CFAP61: variants seen among roughly 807,000 people sequenced by gnomAD.
CFAP61 encodes cilia- and flagella-associated protein 61.
In CFAP61, 107 loss-of-function variants were observed where a neutral mutation model predicts 135.6. The observed-to-expected ratio is 0.79, with a 90% CI of 0.67 to 0.93. The LOEUF (loss-of-function observed/expected upper bound fraction) is 0.93, where lower values mean the gene tolerates loss of function less well. CFAP61 is among the 40% of genes least tolerant of loss of function. CFAP61 has a pLI of 0.00. For missense variants in CFAP61, 1,507 were observed against 1,556.2 expected, an observed-to-expected ratio of 0.97 and a Z score of 0.53; for synonymous variants, 575 against 578.5, an observed-to-expected ratio of 0.99 and a Z score of 0.09.
At chr20:20,151,433 T>A (rs992670711) in intron 9 of CFAP61, among the ~76,000 whole-genome samples, 2 of 152,084 alleles carry the variant, frequency 1.3e-5, no homozygotes, top group African/African-American at 4.8e-5. Context: ...TAACTGGTAT[T>A]CCTGAGGAAG....
chr20:20,148,553 G>C (rs2052110011), intron 9 of CFAP61, among the ~76,000 whole-genome samples: 1 of 151,946 alleles, frequency 6.6e-6, no homozygotes, highest in Admixed American at 6.6e-5. Context: ...TTGTAAAAGG[G>C]ATTGAGTTCT....
At chr20:20,202,229 T>G (rs1281895317) in intron 17 of CFAP61, among the ~76,000 whole-genome samples, 1 of 152,130 alleles carries the variant, frequency 6.6e-6, no homozygotes, top group African/African-American at 2.4e-5. Flanking sequence ...AAACCCAGGG[T>G]CCAGGAAGAC....
At chr20:20,124,458 G>A (rs1242572737) in intron 8 of CFAP61, among the ~76,000 whole-genome samples, 1 of 151,776 alleles carries the variant, frequency 6.6e-6, no homozygotes, top group Non-Finnish European at 1.5e-5. Flanking sequence ...AGCGATGCTG[G>A]ATTTCTTCAA....
chr20:20,353,453 C>A (rs564598656), intron 26 of CFAP61, among the ~76,000 whole-genome samples: 1 of 152,240 alleles, frequency 6.6e-6, no homozygotes, highest in Admixed American at 6.5e-5. Flanking sequence ...CCACCCGGAA[C>A]TGAAATAACT....
chr20:20,140,128 A>ATTTTTTTTTTTTTTTTTTTTTTTT, intron 8 of CFAP61, among the ~76,000 whole-genome samples: 1 of 97,310 alleles, frequency 1.0e-5, no homozygotes, highest in Non-Finnish European at 1.9e-5. Context: ...GGTGCTGGAA[A>ATTTTTTTTTTTTTTTTTTTTTTTT]TTTTTTTTTT....
chr20:20,272,601 ACC>A (rs2053449531), intron 21 of CFAP61, among the ~76,000 whole-genome samples: 1 of 151,444 alleles, frequency 6.6e-6, no homozygotes, highest in Non-Finnish European at 1.5e-5. Context: ...CAGCCCCAAC[ACC>A]TCCCTCAGGC....
chr20:20,348,771 CA>C (rs1488685078), intron 26 of CFAP61, among the ~76,000 whole-genome samples: 2 of 118,292 alleles, frequency 1.7e-5, no homozygotes, highest in African/African-American at 6.1e-5. Flanking sequence ...TTGACAAAAT[CA>C]AATACATTCT....
At chr20:20,268,070 C>T (rs1471899255) in intron 21 of CFAP61, among the ~76,000 whole-genome samples, 1 of 152,214 alleles carries the variant, frequency 6.6e-6, no homozygotes, top group African/African-American at 2.4e-5. Flanking sequence ...ACATTTCAGT[C>T]CTTGCTTTTT....
At chr20:20,347,552 G>A (rs370448250) in intron 26 of CFAP61, among the ~76,000 whole-genome samples, 31 of 152,186 alleles carry the variant, frequency 2.0e-4, no homozygotes, top group African/African-American at 7.0e-4. Context: ...TCGACCTTAT[G>A]GAAATAAAAA....
intron 26 of CFAP61, among the ~76,000 whole-genome samples, chr20:20,357,425 T>G (rs1250286905): frequency 4.0e-5 from 1 of 25,022 alleles, no homozygotes; most frequent in Non-Finnish European, 6.7e-5. Context: ...TGAGGGGAGG[T>G]GGTCACACTG....
chr20:20,312,659 T>C (rs1296281723), intron 25 of CFAP61, among the ~76,000 whole-genome samples: 1 of 152,020 alleles, frequency 6.6e-6, no homozygotes, highest in Non-Finnish European at 1.5e-5. Context: ...ATAATCAAAC[T>C]ACTCAAAACC....
chr20:20,093,143 G>A lies in CFAP61; in HGVS notation c.699+2167G>A, dbSNP rs74582398. On this transcript the variant is annotated intron_variant, in intron 7 of 26. Coordinates refer to ENST00000245957, the MANE Select transcript of CFAP61 (RefSeq NM_015585.4). ...ATAGTACCAGGAAATAAAAGAGAAC[G>A]AAGCACTGATACATGCTACAGCGTG... Among the ~76,000 whole-genome samples the A allele has an allele frequency of 5.9e-3, 896 of 152,302 alleles. 12 individuals carry two copies. Among genetic ancestry groups the A allele is most frequent in the African/African-American group, 0.021 (863 of 41,552 alleles).
At chr20:20,110,853 AG>A (rs1216085847) in intron 8 of CFAP61, among the ~76,000 whole-genome samples, 1 of 152,206 alleles carries the variant, frequency 6.6e-6, no homozygotes, top group East Asian at 1.9e-4. Flanking sequence ...TTCAGCTCAC[AG>A]GGCTTCTTAA....
In CFAP61 at chr20:20,337,342, ATGGGTGGGTGGG is replaced by A. The variant is rs199619993; in HGVS notation, c.3423-4485_3423-4474del. ...GATGGATGGATGGATGGATGGATAG[ATGGGTGGGTGGG>A]TGGATGGATGGATGGATGGATGGAT... is the stretch of plus-strand genomic sequence containing the variant. On this transcript the variant is annotated intron_variant, in intron 25 of 26. Transcript: ENST00000245957. 1.7e-3 allele frequency among the ~76,000 whole-genome samples: 22 copies of A among 12,844 alleles called. 1 individual carries two copies. The highest frequency in any genetic ancestry group is 4.3e-3 in the East Asian group (2 of 470). The allele number at this position is 12,844 out of a possible 152,430, so 8.4% of individuals were successfully genotyped here.
intron 2 of CFAP61, among the ~76,000 whole-genome samples, chr20:20,062,867 A>C (rs2044913714): frequency 6.6e-6 from 1 of 152,216 alleles, no homozygotes; most frequent in Admixed American, 6.5e-5. Context: ...TCTGTGGTAA[A>C]AATGTAAGAA....
intron 25 of CFAP61, among the ~76,000 whole-genome samples, chr20:20,318,798 G>T (rs1426343458): frequency 6.6e-6 from 1 of 152,210 alleles, no homozygotes; most frequent in Non-Finnish European, 1.5e-5. Context: ...CTGCTTGGGG[G>T]TCAGGAGGGA....
intron 21 of CFAP61, among the ~76,000 whole-genome samples, chr20:20,276,434 C>T (rs1424853055): frequency 6.6e-6 from 1 of 152,160 alleles, no homozygotes; most frequent in Non-Finnish European, 1.5e-5. Flanking sequence ...GACCTTAAAA[C>T]TGCTAAAATA....
chr20:20,145,473 G>A (rs7271577), intron 9 of CFAP61, among the ~76,000 whole-genome samples: 28,705 of 151,962 alleles, frequency 0.19, 2,979 homozygotes, highest in Non-Finnish European at 0.24. Context: ...GAAAAAGGGA[G>A]CAAAGACTAG....
At chr20:20,223,948 A>G (rs2048562512) in intron 17 of CFAP61, among the ~76,000 whole-genome samples, 1 of 152,240 alleles carries the variant, frequency 6.6e-6, no homozygotes, top group Non-Finnish European at 1.5e-5. Context: ...CAACTAAAAT[A>G]ATTTGCAATA....
Sources: allele counts gnomAD v4.1 joint callset (sites outside exome capture counted in the v4.1 genomes callset), GRCh38; gene constraint gnomAD v4.1.1; transcripts MANE v1.5; gene names NCBI Gene and HGNC (gene_info 2026-07-23, HGNC 2026-07-21).